The following GABRA2 variants were observed in gnomAD, a reference collection of about 807,000 sequenced individuals.
The protein encoded by GABRA2 is gamma-aminobutyric acid type A receptor subunit alpha2.
A neutral mutation model predicts 48.7 loss-of-function variants in GABRA2; 16 were observed. That is an observed-to-expected ratio of 0.33 (90% CI 0.22 to 0.50). The LOEUF is 0.50. Among genes scored for constraint, GABRA2 ranks in the 20% least tolerant of loss-of-function variants. The pLI is 0.98. For synonymous variants in GABRA2, 185 were observed against 184.5 expected, an observed-to-expected ratio of 1.00 and a Z score of -0.02; for missense variants, 275 against 535.6, an observed-to-expected ratio of 0.51 and a Z score of 4.80.
At chr4:46,264,765 A>C (rs1365041485) in intron 8 of GABRA2, among the ~76,000 whole-genome samples, 1 of 151,482 alleles carries the variant, frequency 6.6e-6, no homozygotes, top group East Asian at 1.9e-4. Context: ...GATTGTTGTT[A>C]ATTCTTTGTA....
chr4:46,343,441 T>A (rs1733629094), intron 3 of GABRA2, among the ~76,000 whole-genome samples: 1 of 151,918 alleles, frequency 6.6e-6, no homozygotes, highest in East Asian at 1.9e-4. Context: ...ATAAAGATCT[T>A]TTAAAAGTCT....
intron 8 of GABRA2, among the ~76,000 whole-genome samples, chr4:46,298,041 T>G (rs1392278955): frequency 6.6e-6 from 1 of 152,122 alleles, no homozygotes; most frequent in East Asian, 1.9e-4. Flanking sequence ...TGGTAAAATT[T>G]CCAGTTTTCA....
At chr4:46,388,779 A>C (rs1297906524) in intron 1 of GABRA2, 63 bp from the exon 2 acceptor site, 31 of 1,609,208 alleles carry the variant, frequency 1.9e-5, no homozygotes, top group Middle Eastern at 3.3e-4. Context: ...TTCACTATCC[A>C]AGTAACCCCA....
In GABRA2 at chr4:46,389,991, GGAGGAGGAGGAA is replaced by G. The variant is rs1229053959; in HGVS notation, c.-279_-268del. 1.5e-5 allele frequency: 15 copies of G among 980,518 alleles called. No homozygotes were observed. The African/African-American group carries it at 2.3e-4, about 15-fold the overall frequency. 60.7% of individuals were successfully genotyped at this position (980,518 alleles called of 1,614,324 possible). A position where few individuals can be genotyped will look rare whatever the true frequency, so the allele number is the denominator to read the frequency against. On this transcript the variant is annotated 5_prime_UTR_variant, in exon 1 of 10. Transcript: ENST00000381620. Reference sequence around the variant, plus strand: ...GGCGTTCGTAGTGGCGGTGATGGGCGGAGGAGGAGGAAGAGGAGGAGGAGGAAGAGGAGGAGG... The same window carrying G: ...GGCGTTCGTAGTGGCGGTGATGGGCGGAGGAGGAGGAGGAAGAGGAGGAGG...
At chr4:46,294,166 A>C (rs1724202487) in intron 8 of GABRA2, among the ~76,000 whole-genome samples, 1 of 152,214 alleles carries the variant, frequency 6.6e-6, no homozygotes. Flanking sequence ...GACAGAAACT[A>C]ATCACTTTGG....
In GABRA2 at chr4:46,250,492, G is replaced by T; in HGVS notation, c.1172C>A (p.Ala391Glu). 1 of 1,612,096 alleles carries T rather than the reference G, an allele frequency of 6.2e-7. No individual in the cohort carries two copies. The highest frequency in any genetic ancestry group is 8.5e-7 in the Non-Finnish European group (1 of 1,178,688). The change falls in exon 10 of 10, where the codon GCA becomes GAA. Residue 391 changes from alanine (A) to glutamate (E), a missense_variant. Ala to Glu is a moderately radical substitution (Grantham distance 107). Coordinates refer to ENST00000381620, the MANE Select transcript of GABRA2 (RefSeq NM_000807.4). ...CTTCTTGTTGGGTTCTGGCGTGGTT[G>T]CACTCTTGGAGATGGTGGAGAGAAC... Reference protein sequence around the residue: ...DPVLSTISKSATTPEPNKKPE... With the variant: ...DPVLSTISKSETTPEPNKKPE...
intron 8 of GABRA2, among the ~76,000 whole-genome samples, chr4:46,277,016 C>CA (rs1440957930): frequency 6.6e-6 from 1 of 151,872 alleles, no homozygotes; most frequent in African/African-American, 2.4e-5. Flanking sequence ...AAGAAATCAC[C>CA]AAAAAACAAT....
chr4:46,332,377 A>C (rs561199270), intron 4 of GABRA2, among the ~76,000 whole-genome samples: 40 of 152,266 alleles, frequency 2.6e-4, no homozygotes, highest in Admixed American at 2.4e-3. Context: ...TGTTTATTAC[A>C]CTGTAGTTAG....
At chr4:46,334,181 C>T (rs1731826114) in intron 3 of GABRA2, among the ~76,000 whole-genome samples, 1 of 152,108 alleles carries the variant, frequency 6.6e-6, no homozygotes, top group African/African-American at 2.4e-5. Context: ...CCATAGGACC[C>T]TGAGTTCAGA....
intron 9 of GABRA2, among the ~76,000 whole-genome samples, chr4:46,256,028 C>T (rs1290649146): frequency 6.6e-6 from 1 of 151,526 alleles, no homozygotes; most frequent in African/African-American, 2.4e-5. Context: ...AAAATCAGGT[C>T]TCCAAAGGGC....
chr4:46,284,811 A>C (rs143883896), intron 8 of GABRA2, among the ~76,000 whole-genome samples: 1,769 of 152,074 alleles, frequency 0.012, 37 homozygotes, highest in African/African-American at 0.04. Context: ...CATTAAAATT[A>C]ATTAAAAAAT....
At chr4:46,330,826 A>G (rs1404747163) in intron 4 of GABRA2, among the ~76,000 whole-genome samples, 2 of 152,000 alleles carry the variant, frequency 1.3e-5, no homozygotes, top group African/African-American at 4.8e-5. Flanking sequence ...TAATTTCTCA[A>G]TGTAGTAGTT....
chr4:46,337,149 A>G lies in GABRA2; in HGVS notation c.188-4467T>C, dbSNP rs186902445. ...AAGACCCACAACATAATAGAAAAAA[A>G]GCATTTAAAAATTTGTAATACAAGA... On this transcript the variant is annotated intron_variant, in intron 3 of 9. Transcript: ENST00000381620. Among the ~76,000 whole-genome samples, 10 of 152,268 alleles carry G rather than the reference A, an allele frequency of 6.6e-5. No homozygotes were observed. The East Asian group carries it at 1.9e-3, about 29-fold the overall frequency.
intron 3 of GABRA2, 79 bp from the exon 4 acceptor site, chr4:46,332,761 T>C (rs1188110457): frequency 8.2e-6 from 7 of 852,656 alleles, no homozygotes; most frequent in African/African-American, 1.7e-5. Context: ...GTACACGGTA[T>C]GGTTTGAAAG....
chr4:46,355,098 A>T (rs547064769), intron 3 of GABRA2, among the ~76,000 whole-genome samples: 1 of 152,166 alleles, frequency 6.6e-6, no homozygotes, highest in South Asian at 2.1e-4. Flanking sequence ...CCCTCCACCC[A>T]CGTCAACACT....
rs148946091 is a variant in GABRA2, at chr4:46,363,106, A to G, written c.187+22968T>C. ...TAGTCTAAAAAGTTATATATCCATTACCTGCAAGACATACACCAAATCACT... is the reference window on the plus strand; with the variant it reads ...TAGTCTAAAAAGTTATATATCCATTGCCTGCAAGACATACACCAAATCACT... On this transcript the variant is annotated intron_variant, in intron 3 of 9. Transcript: ENST00000381620. Among the ~76,000 whole-genome samples the G allele has an allele frequency of 2.2e-4, 34 of 152,268 alleles. 1 individual carries two copies. In the East Asian group the frequency reaches 6.6e-3, roughly 29 times the overall value.
At chr4:46,283,217 T>C (rs1721871430) in intron 8 of GABRA2, among the ~76,000 whole-genome samples, 1 of 152,172 alleles carries the variant, frequency 6.6e-6, no homozygotes, top group Admixed American at 6.5e-5. Context: ...ACAGAAATTA[T>C]TAAGAGGGAC....
intron 3 of GABRA2, among the ~76,000 whole-genome samples, chr4:46,374,516 C>T (rs929318332): frequency 6.6e-6 from 1 of 152,034 alleles, no homozygotes; most frequent in South Asian, 2.1e-4. Context: ...AATTTTTATA[C>T]CTTCTTCAAC....
intron 8 of GABRA2, among the ~76,000 whole-genome samples, chr4:46,265,143 C>A (rs1453788368): frequency 2.0e-5 from 3 of 150,080 alleles, no homozygotes; most frequent in East Asian, 3.9e-4. Context: ...TCAAACAATT[C>A]TTGTGCCTCA....
Sources: allele counts gnomAD v4.1 joint callset (sites outside exome capture counted in the v4.1 genomes callset), GRCh38; gene constraint gnomAD v4.1.1; transcripts MANE v1.5; gene names NCBI Gene and HGNC (gene_info 2026-07-23, HGNC 2026-07-21).